The following GPA33 variants were observed in gnomAD, a reference collection of about 807,000 sequenced individuals.
GPA33 encodes glycoprotein A33, also known as cell surface A33 antigen.
Under a neutral mutation model 35.6 loss-of-function variants are expected in GPA33, and 27 were observed. The observed-to-expected ratio is 0.76, with a 90% CI of 0.56 to 1.04. GPA33 has a LOEUF of 1.04. GPA33 is among the 50% of genes least tolerant of loss of function. The pLI is 0.00. For synonymous variants in GPA33, 176 were observed against 164.0 expected, an observed-to-expected ratio of 1.07 and a Z score of -0.56; for missense variants, 428 against 411.9, an observed-to-expected ratio of 1.04 and a Z score of -0.34.
At chr1:167,067,900 G>C (rs982038942) in intron 3 of GPA33, among the ~76,000 whole-genome samples, 7 of 152,124 alleles carry the variant, frequency 4.6e-5, no homozygotes, top group African/African-American at 1.7e-4. Context: ...AAGGACATGA[G>C]GAAAATATGG....
chr1:167,058,990 C>T (rs1666371283), intron 4 of GPA33, among the ~76,000 whole-genome samples: 1 of 152,232 alleles, frequency 6.6e-6, no homozygotes, highest in Non-Finnish European at 1.5e-5. Context: ...AACAGATCCC[C>T]ACCACTTAAG....
At chr1:167,056,693 G>GGGGGGCAGTGAGT (rs1558001859) in intron 4 of GPA33, among the ~76,000 whole-genome samples, 11 of 2,764 alleles carry the variant, frequency 4.0e-3, no homozygotes, top group East Asian at 0.016. Flanking sequence ...GTGTGTGGTG[G>GGGGGGCAGTGAGT]GTGTGTGGTG....
At position 167,061,943 on chromosome 1, in the gene GPA33, A is replaced by G. The variant is rs575780522; in HGVS notation, c.571+1639T>C. 1.5e-4 allele frequency among the ~76,000 whole-genome samples: 23 copies of G among 151,818 alleles called. No homozygotes were observed. The South Asian group carries it at 4.0e-3, about 26-fold the overall frequency. On this transcript the variant is annotated intron_variant, in intron 4 of 6. Coordinates refer to ENST00000367868, the MANE Select transcript of GPA33 (RefSeq NM_005814.3). ...TCTTCCTGGATTGAGTGCACCCCCA[A>G]TGTGTGCATCCGTCCGGCTGGGCTT... is the stretch of plus-strand genomic sequence containing the variant.
intron 4 of GPA33, among the ~76,000 whole-genome samples, chr1:167,062,390 A>T (rs1054948001): frequency 6.6e-6 from 1 of 150,872 alleles, no homozygotes; most frequent in African/African-American, 2.4e-5. Flanking sequence ...CTAATTTTTT[A>T]AAAATTTTGT....
intron 1 of GPA33, among the ~76,000 whole-genome samples, chr1:167,085,566 CCCTGGA>C (rs2102205447): frequency 6.6e-6 from 1 of 152,244 alleles, no homozygotes; most frequent in South Asian, 2.1e-4. Context: ...AGACTCTGGT[CCCTGGA>C]CCAGGAGTAT....
In GPA33 at chr1:167,054,253, G is replaced by T. The variant is rs893299195; in HGVS notation, c.*81C>A. 25 of 1,537,922 alleles carry T rather than the reference G, an allele frequency of 1.6e-5. No homozygotes were observed. The Admixed American group carries it at 4.1e-4, about 25-fold the overall frequency. On this transcript the variant is annotated 3_prime_UTR_variant, in exon 7 of 7. Transcript: ENST00000367868. ...CTGGGATGGAGGGACAGGAGAACAG[G>T]GCTTAGAAAGGAGAAGGGAGGCCAG...
chr1:167,056,972 G>C (rs1666321135), intron 4 of GPA33, among the ~76,000 whole-genome samples: 1 of 142,718 alleles, frequency 7.0e-6, no homozygotes, highest in Admixed American at 7.0e-5. Context: ...GGTGTGCAGT[G>C]TGTGATGTGT....
At chr1:167,064,097 A>T (rs745897328) in intron 3 of GPA33, among the ~76,000 whole-genome samples, 5 of 152,138 alleles carry the variant, frequency 3.3e-5, no homozygotes, top group Non-Finnish European at 2.9e-5. Flanking sequence ...AGCCTGGTCA[A>T]CATGGTGAAA....
intron 1 of GPA33, among the ~76,000 whole-genome samples, chr1:167,088,780 G>T (rs754400918): frequency 6.6e-6 from 1 of 152,186 alleles, no homozygotes; most frequent in Non-Finnish European, 1.5e-5. Flanking sequence ...GGGGATATGT[G>T]TTGGGGGTTG....
chr1:167,071,155 T>G (rs1666710442), intron 2 of GPA33, among the ~76,000 whole-genome samples: 1 of 152,058 alleles, frequency 6.6e-6, no homozygotes, highest in Non-Finnish European at 1.5e-5. Flanking sequence ...AGTCACCAAG[T>G]TACTTCATTT....
chr1:167,065,292 C>T (rs1419686280), intron 3 of GPA33, among the ~76,000 whole-genome samples: 1 of 152,122 alleles, frequency 6.6e-6, no homozygotes, highest in Admixed American at 6.6e-5. Flanking sequence ...GTAAACAAGG[C>T]CAGTGGTGGA....
intron 1 of GPA33, among the ~76,000 whole-genome samples, chr1:167,081,550 T>C (rs775681510): frequency 3.3e-5 from 5 of 152,206 alleles, no homozygotes; most frequent in Non-Finnish European, 5.9e-5. Flanking sequence ...TGATTCTTTA[T>C]GCATCTATAA....
At chr1:167,066,177 C>G (rs968478811) in intron 3 of GPA33, among the ~76,000 whole-genome samples, 2 of 152,174 alleles carry the variant, frequency 1.3e-5, no homozygotes, top group African/African-American at 2.4e-5. Context: ...CAGGTGTCCC[C>G]AAAGTCACAC....
intron 1 of GPA33, among the ~76,000 whole-genome samples, chr1:167,084,772 A>C (rs1233275172): frequency 6.6e-6 from 1 of 152,220 alleles, no homozygotes; most frequent in Non-Finnish European, 1.5e-5. Flanking sequence ...CATAAAGCAA[A>C]GACAAGCTGT....
chr1:167,068,496 AT>A (rs1192157146), intron 3 of GPA33, among the ~76,000 whole-genome samples: 1 of 152,230 alleles, frequency 6.6e-6, no homozygotes, highest in Non-Finnish European at 1.5e-5. Flanking sequence ...GGCATGAAGA[AT>A]TTCTGCTGGG....
chr1:167,073,370 G>T lies in GPA33; in HGVS notation c.198+15C>A. 1 of 1,610,564 alleles carries T rather than the reference G, an allele frequency of 6.2e-7. No homozygotes were observed. Among genetic ancestry groups the T allele is most frequent in the Non-Finnish European group, 8.5e-7 (1 of 1,177,098 alleles). ...AATCATTCCCATGTTGCCTGAACTTGTAAAGTATCCTTACCGTATGAGTGA... is the reference window on the plus strand; with the variant it reads ...AATCATTCCCATGTTGCCTGAACTTTTAAAGTATCCTTACCGTATGAGTGA... On this transcript the variant is annotated intron_variant, in intron 2 of 6. Coordinates refer to ENST00000367868, the MANE Select transcript of GPA33 (RefSeq NM_005814.3).
chr1:167,054,586 G>T (rs1666192652), intron 6 of GPA33, 120 bp from the exon 7 acceptor site: 3 of 1,229,614 alleles, frequency 2.4e-6, no homozygotes, highest in East Asian at 2.3e-5. Context: ...CCCACCAGCT[G>T]CAGAGGACAC....
chr1:167,084,446 T>G (rs1667013517), intron 1 of GPA33, among the ~76,000 whole-genome samples: 2 of 152,232 alleles, frequency 1.3e-5, no homozygotes, highest in Admixed American at 1.3e-4. Flanking sequence ...CCCCAAATTC[T>G]TTTAAACTGC....
intron 1 of GPA33, among the ~76,000 whole-genome samples, chr1:167,086,062 G>C (rs78294089): frequency 6.6e-6 from 1 of 152,168 alleles, no homozygotes; most frequent in African/African-American, 2.4e-5. Flanking sequence ...TTCTTAGACC[G>C]ACCATTCATA....
Sources: allele counts gnomAD v4.1 joint callset (sites outside exome capture counted in the v4.1 genomes callset), GRCh38; gene constraint gnomAD v4.1.1; transcripts MANE v1.5; gene names NCBI Gene and HGNC (gene_info 2026-07-23, HGNC 2026-07-21).